The following SIPA1L2 variants were observed in gnomAD, a reference collection of about 807,000 sequenced individuals.
The protein encoded by SIPA1L2 is signal induced proliferation associated 1 like 2, also known as signal-induced proliferation-associated 1-like protein 2.
SIPA1L2 carries 56 observed loss-of-function variants against 163.9 expected under a neutral mutation model. The observed-to-expected ratio is 0.34, with a 90% CI of 0.28 to 0.43. The LOEUF (loss-of-function observed/expected upper bound fraction) is 0.43. SIPA1L2 is among the 20% of genes least tolerant of loss of function. The pLI is 1.00. For missense variants in SIPA1L2, 1,974 were observed against 2,193.5 expected (o/e 0.90, Z 2.00); for synonymous variants, 877 against 865.7 (o/e 1.01, Z -0.23).
chr1:232,430,016 T>C, intron 16 of SIPA1L2, among the ~76,000 whole-genome samples: 1 of 152,262 alleles, frequency 6.6e-6, no homozygotes, highest in East Asian at 1.9e-4. Flanking sequence ...TAGCTTTCTC[T>C]GCTAAACTAG....
chr1:232,574,618 T>C (rs1270893805), intron 1 of SIPA1L2, among the ~76,000 whole-genome samples: 1 of 152,220 alleles, frequency 6.6e-6, no homozygotes, highest in East Asian at 1.9e-4. Context: ...TCTTAATTAA[T>C]AAATATTTTC....
At chr1:232,518,116 T>A (rs899582959) in intron 2 of SIPA1L2, among the ~76,000 whole-genome samples, 3 of 152,200 alleles carry the variant, frequency 2.0e-5, no homozygotes, top group African/African-American at 7.2e-5. Context: ...AATCTTATCA[T>A]TAGGTTCACT....
At chr1:232,548,615 A>G (rs1220552861) in intron 2 of SIPA1L2, among the ~76,000 whole-genome samples, 1 of 152,252 alleles carries the variant, frequency 6.6e-6, no homozygotes, top group East Asian at 1.9e-4. Flanking sequence ...CAATAAATAT[A>G]TACTAACGCC....
At chr1:232,526,002 G>C (rs1573028172) in intron 2 of SIPA1L2, among the ~76,000 whole-genome samples, 1 of 152,206 alleles carries the variant, frequency 6.6e-6, no homozygotes, top group South Asian at 2.1e-4. Context: ...GCCAAGAGAG[G>C]AAGGCAAATC....
rs1357462604 is a variant in SIPA1L2, at chr1:232,441,316, T to C, written c.3617A>G (p.Lys1206Arg). Residue 1206 changes from lysine (K) to arginine (R), a missense_variant, in exon 14 of 23, where the codon AAA becomes AGA. Physicochemically the swap from Lys to Arg is conservative, Grantham distance 26 (BLOSUM62 2). This residue lies in a region of SIPA1L2 where 1,079 missense variants were observed against 1,150.7 expected (regional missense o/e 0.94). Transcript: ENST00000674635. ...ERALQKDGSC[K>R]DSPNKLSHIG... Reference sequence around the variant, plus strand: ...GTGAGAAAGCTTATTGGGGGAATCTTTGCAACTTCCATCTTTCTGCAGAGC... The same window carrying C: ...GTGAGAAAGCTTATTGGGGGAATCTCTGCAACTTCCATCTTTCTGCAGAGC... 1.9e-6 allele frequency: 3 copies of C among 1,595,180 alleles called. No individual in the cohort carries two copies. The highest frequency in any genetic ancestry group is 2.7e-5 in the African/African-American group (2 of 73,110).
In SIPA1L2 at chr1:232,398,991, T is replaced by C. The variant is rs1660172795; in HGVS notation, c.*136A>G. 19 of 1,196,950 alleles carry C rather than the reference T, an allele frequency of 1.6e-5. No homozygotes were observed. In the East Asian group the frequency reaches 4.6e-4, roughly 29 times the overall value. The allele number at this position is 1,196,950 out of a possible 1,614,324, so 74.1% of individuals were successfully genotyped here. A position where few individuals can be genotyped will look rare whatever the true frequency, so the allele number is the denominator to read the frequency against. Reference sequence around the variant, plus strand: ...AGAGTCGAGGCTCCCTATCCTGCTGTGGTGAATGGTGCTACACAGAATGGA... The same window carrying C: ...AGAGTCGAGGCTCCCTATCCTGCTGCGGTGAATGGTGCTACACAGAATGGA... On this transcript the variant is annotated 3_prime_UTR_variant, in exon 23 of 23. Transcript: ENST00000674635.
intron 9 of SIPA1L2, 84 bp downstream of exon 9, chr1:232,464,756 T>C (rs1289315196): frequency 9.2e-7 from 1 of 1,086,438 alleles, no homozygotes; most frequent in South Asian, 1.6e-5. Context: ...GGTATAATCA[T>C]GGTAGCAGTT....
chr1:232,621,807 G>A (rs964191049), intron 1 of SIPA1L2, among the ~76,000 whole-genome samples: 18 of 151,490 alleles, frequency 1.2e-4, no homozygotes, highest in Admixed American at 5.9e-4. Flanking sequence ...TCAGCCCACC[G>A]TAACCTCGAA....
chr1:232,482,647 C>A (rs1214684238), intron 6 of SIPA1L2, among the ~76,000 whole-genome samples: 1 of 152,132 alleles, frequency 6.6e-6, no homozygotes, highest in Non-Finnish European at 1.5e-5. Flanking sequence ...TGTGAACTAT[C>A]CTGTAACTGC....
At chr1:232,511,715 A>C (rs746501257) in intron 3 of SIPA1L2, among the ~76,000 whole-genome samples, 44 of 152,266 alleles carry the variant, frequency 2.9e-4, no homozygotes, top group Middle Eastern at 3.4e-3. Context: ...AAATTACACA[A>C]ATATTCTCAA....
At position 232,465,426 on chromosome 1, in the gene SIPA1L2, TA is replaced by T. The variant is rs762296392; in HGVS notation, c.2244-11del. On this transcript the variant is annotated splice_polypyrimidine_tract_variant and intron_variant, in intron 8 of 22. Transcript: ENST00000674635. The surrounding 1 kb of genome is among the most constrained non-coding windows in gnomAD (Gnocchi z 4.1). ...TCTGGAAACTCCAACACTGAGGAAG[TA>T]AAAACAGAAACAAAATGAGATGAGC... 1.3e-6 allele frequency: 2 copies of T among 1,586,250 alleles called. No homozygotes were observed. The highest frequency in any genetic ancestry group is 3.6e-5 in the Admixed American group (2 of 55,374).
chr1:232,486,282 T>A (rs531277332), intron 5 of SIPA1L2, among the ~76,000 whole-genome samples: 21 of 152,310 alleles, frequency 1.4e-4, no homozygotes, highest in Middle Eastern at 6.8e-3. Flanking sequence ...TGAACTCTCA[T>A]TCAGGCAAAG....
intron 6 of SIPA1L2, among the ~76,000 whole-genome samples, chr1:232,482,842 A>G (rs1572964840): frequency 6.6e-6 from 1 of 152,246 alleles, no homozygotes; most frequent in East Asian, 1.9e-4. Context: ...CCACACCCTG[A>G]CGCTCCCACA....
At position 232,439,469 on chromosome 1, in the gene SIPA1L2, A is replaced by G. The variant is rs1202934013; in HGVS notation, c.3670T>C (p.Ser1224Pro). Residue 1224 changes from serine to proline, a missense_variant, in exon 15 of 23, where the codon TCC (serine) becomes CCC (proline). Around this residue, in one of 3 missense-constraint regions of SIPA1L2, gnomAD observed 1,079 missense variants for 1,150.7 expected, o/e 0.94. Coordinates refer to ENST00000674635, the MANE Select transcript of SIPA1L2 (RefSeq NM_020808.5). ...HIGDKSCSSH[S>P]SSNTLSSNTS... is the part of the protein sequence containing the mutation. The stretch of plus-strand genomic sequence containing the variant: ...TTGCTGGAGAGCGTGTTGCTGCTGG[A>G]GTGACTGGAGCAACTTTTATCCCCA... The G allele has an allele frequency of 6.2e-7, 1 of 1,613,498 alleles. No individual in the cohort carries two copies. The highest frequency in any genetic ancestry group is 1.3e-5 in the African/African-American group (1 of 74,918).
intron 3 of SIPA1L2, among the ~76,000 whole-genome samples, chr1:232,510,287 A>G (rs2103035895): frequency 6.6e-6 from 1 of 152,202 alleles, no homozygotes; most frequent in South Asian, 2.1e-4. Flanking sequence ...AGTATACTCT[A>G]TGATGTTCAC....
intron 2 of SIPA1L2, among the ~76,000 whole-genome samples, chr1:232,522,019 T>C (rs1358941246): frequency 6.6e-6 from 1 of 152,092 alleles, no homozygotes; most frequent in East Asian, 1.9e-4. Flanking sequence ...ACCACTCAGG[T>C]GCCCAACCCA....
chr1:232,498,641 C>G (rs1191469050), intron 3 of SIPA1L2, among the ~76,000 whole-genome samples: 1 of 152,178 alleles, frequency 6.6e-6, no homozygotes, highest in Non-Finnish European at 1.5e-5. Flanking sequence ...TTTCTTGGCT[C>G]ATGGCCCTTC....
intron 2 of SIPA1L2, among the ~76,000 whole-genome samples, chr1:232,564,216 C>A (rs2102755405): frequency 1.2e-5 from 1 of 80,526 alleles, no homozygotes; most frequent in Admixed American, 1.8e-4. Flanking sequence ...GACTGAACGA[C>A]AAAGGTTTTT....
chr1:232,405,406 T>A (rs1247708353), intron 19 of SIPA1L2, among the ~76,000 whole-genome samples: 1 of 152,268 alleles, frequency 6.6e-6, no homozygotes, highest in Non-Finnish European at 1.5e-5. Flanking sequence ...ACCAATTTGG[T>A]ACTGCATAGT....
Sources: gnomAD v4.1 joint callset for allele counts (sites outside exome capture counted in the v4.1 genomes callset) on GRCh38, gnomAD v4.1.1 for gene constraint, gnomAD v4.1.1 regional missense constraint, Gnocchi (gnomAD v3.1) non-coding constraint, MANE v1.5 for transcripts, NCBI Gene and HGNC (gene_info 2026-07-23, HGNC 2026-07-21) for gene names.